METTL14: variants seen among roughly 807,000 people sequenced by gnomAD.
METTL14 encodes the protein N(6)-adenosine-methyltransferase non-catalytic subunit METTL14.
METTL14 carries 32 observed loss-of-function variants against 62.4 expected under a neutral mutation model. The observed-to-expected ratio is 0.51, with a 90% CI of 0.39 to 0.69. The LOEUF (loss-of-function observed/expected upper bound fraction) is 0.69, where lower values mean the gene tolerates loss of function less well. METTL14 is among the 30% of genes least tolerant of loss of function. METTL14 has a pLI of 0.00. For synonymous variants in METTL14, 150 were observed against 180.0 expected, an observed-to-expected ratio of 0.83 and a Z score of 1.34; for missense variants, 340 against 551.9, an observed-to-expected ratio of 0.62 and a Z score of 3.85.
intron 2 of METTL14, among the ~76,000 whole-genome samples, chr4:118,688,677 T>C (rs1375718717): frequency 2.0e-5 from 3 of 152,172 alleles, no homozygotes; most frequent in Non-Finnish European, 4.4e-5. Flanking sequence ...AACAAGTATA[T>C]TTAAACATTT....
At position 118,685,451 on chromosome 4, in the gene METTL14, T is replaced by C; in HGVS notation, c.-84T>C. On this transcript the variant is annotated 5_prime_UTR_variant, in exon 1 of 11. Coordinates refer to ENST00000388822, the MANE Select transcript of METTL14 (RefSeq NM_020961.4). ...GTTCGTAAGCTCCCGGTGAATTTTG[T>C]TCCACAGACTCGGAAGAAAGGTTGG... is the stretch of plus-strand genomic sequence containing the variant. 1 of 1,366,282 alleles carries C rather than the reference T, an allele frequency of 7.3e-7. No individual in the cohort carries two copies. Among genetic ancestry groups the C allele is most frequent in the Non-Finnish European group, 1.0e-6 (1 of 954,798 alleles). 84.6% of individuals were successfully genotyped at this position (1,366,282 alleles called of 1,614,324 possible).
chr4:118,686,838 C>T (rs1724080172), intron 1 of METTL14: 1 of 294,124 alleles, frequency 3.4e-6, no homozygotes, highest in Non-Finnish European at 6.8e-6. Context: ...AGGGGCTCTA[C>T]CTTTTAAAGT....
At chr4:118,698,541 G>A (rs1488897008) in intron 7 of METTL14, among the ~76,000 whole-genome samples, 1 of 151,802 alleles carries the variant, frequency 6.6e-6, no homozygotes, top group Non-Finnish European at 1.5e-5. Flanking sequence ...GAGATGAAGG[G>A]ACGCTGAATT....
intron 7 of METTL14, among the ~76,000 whole-genome samples, chr4:118,698,063 T>G (rs977649610): frequency 4.6e-5 from 7 of 152,150 alleles, no homozygotes; most frequent in Non-Finnish European, 8.8e-5. Flanking sequence ...GAGTTGGGAC[T>G]TTTATTCTGA....
chr4:118,687,410 G>T (rs1724101103), intron 1 of METTL14, among the ~76,000 whole-genome samples: 1 of 152,134 alleles, frequency 6.6e-6, no homozygotes, highest in Non-Finnish European at 1.5e-5. Flanking sequence ...TGCTTCACAG[G>T]AAATTGGCTA....
intron 1 of METTL14, chr4:118,686,534 A>G (rs951900976): frequency 2.2e-6 from 1 of 448,418 alleles, no homozygotes; most frequent in African/African-American, 2.0e-5. Flanking sequence ...TATCCTCTTT[A>G]TGGTCTGATG....
intron 8 of METTL14, among the ~76,000 whole-genome samples, chr4:118,701,024 C>A (rs557697282): frequency 6.6e-6 from 1 of 151,830 alleles, no homozygotes; most frequent in East Asian, 1.9e-4. Flanking sequence ...CTCCTGAAAT[C>A]CAAATGGAAG....
At chr4:118,698,870 C>T (rs1288444902) in intron 7 of METTL14, among the ~76,000 whole-genome samples, 1 of 152,138 alleles carries the variant, frequency 6.6e-6, no homozygotes, top group Non-Finnish European at 1.5e-5. Flanking sequence ...AGGATTATCA[C>T]ATAAAATCCA....
At chr4:118,690,255 G>A (rs529518643) in intron 3 of METTL14, among the ~76,000 whole-genome samples, 1 of 150,112 alleles carries the variant, frequency 6.7e-6, no homozygotes, top group East Asian at 2.0e-4. Flanking sequence ...GGCCAGGCTC[G>A]TCTCGAACTC....
At chr4:118,695,303 C>T (rs1724373987) in intron 6 of METTL14, among the ~76,000 whole-genome samples, 2 of 151,986 alleles carry the variant, frequency 1.3e-5, no homozygotes, top group Admixed American at 1.3e-4. Flanking sequence ...AATCCCAGCA[C>T]ATTGGGAGGC....
intron 6 of METTL14, 112 bp downstream of exon 6, chr4:118,694,638 C>T: frequency 1.3e-6 from 1 of 751,046 alleles, no homozygotes; most frequent in Non-Finnish European, 2.2e-6. Context: ...TGTTAACATG[C>T]TTTATTACTC....
chr4:118,694,122 AGTT>A lies in METTL14; in HGVS notation c.413-310_413-308del, dbSNP rs1356978010. ...GGGAAAAGAATCACACAAGAAAGGT[AGTT>A]GTTTTTTTTTTTTTTTCCTGAATGT... On this transcript the variant is annotated intron_variant, in intron 5 of 10. Transcript: ENST00000388822. Among the ~76,000 whole-genome samples the A allele has an allele frequency of 1.4e-4, 20 of 140,442 alleles. 1 individual carries two copies. In the East Asian group the frequency reaches 3.6e-3, roughly 25 times the overall value. 92.1% of individuals were successfully genotyped at this position (140,442 alleles called of 152,430 possible).
At chr4:118,699,540 A>G (rs1433502401) in intron 7 of METTL14, among the ~76,000 whole-genome samples, 1 of 152,180 alleles carries the variant, frequency 6.6e-6, no homozygotes, top group Non-Finnish European at 1.5e-5. Context: ...AAAGTTGAAT[A>G]TTAATATTAA....
In METTL14 at chr4:118,703,975, G is replaced by T; in HGVS notation, c.779G>T (p.Cys260Phe). ...GGTTACAGAAGATGTGAAGATATTT[G>T]TTGGATTAAAACCAATAAAAACAAT... ...KWGYRRCEDICWIKTNKNNPG... is the reference protein window; with the variant it reads ...KWGYRRCEDIFWIKTNKNNPG... Residue 260 changes from cysteine to phenylalanine, a missense_variant, in exon 9 of 11, where the codon TGT becomes TTT. Cys to Phe is a radical substitution (Grantham distance 205). This residue lies in a region of METTL14 where 58 missense variants were observed against 147.5 expected (regional missense o/e 0.39). Coordinates refer to ENST00000388822, the MANE Select transcript of METTL14 (RefSeq NM_020961.4). 6.3e-7 allele frequency: 1 copy of T among 1,586,432 alleles called. No individual in the cohort carries two copies. The highest frequency in any genetic ancestry group is 8.5e-7 in the Non-Finnish European group (1 of 1,172,276).
chr4:118,686,642 AG>A, intron 1 of METTL14: 2 of 456,278 alleles, frequency 4.4e-6, no homozygotes, highest in Non-Finnish European at 8.8e-6. Context: ...GGGCAAATCA[AG>A]TATCCTTTCT....
In METTL14 at chr4:118,685,462, C is replaced by T. The variant is rs1724014323; in HGVS notation, c.-73C>T. On this transcript the variant is annotated 5_prime_UTR_variant, in exon 1 of 11. Coordinates refer to ENST00000388822, the MANE Select transcript of METTL14 (RefSeq NM_020961.4). ...CCCGGTGAATTTTGTTCCACAGACT[C>T]GGAAGAAAGGTTGGATAAGAGTTCA... The T allele has an allele frequency of 6.9e-7, 1 of 1,441,720 alleles. No homozygotes were observed. The highest frequency in any genetic ancestry group is 9.8e-7 in the Non-Finnish European group (1 of 1,023,036). The allele number at this position is 1,441,720 out of a possible 1,614,324, so 89.3% of individuals were successfully genotyped here.
rs927265862 is a variant in METTL14, at chr4:118,714,177, T to G, written c.*3875T>G. ...CTTTTTAATGGGATAATTGTCTTCT[T>G]TAGGCACATTGTTTGCATATTAACG... On this transcript the variant is annotated 3_prime_UTR_variant, in exon 11 of 11. Transcript: ENST00000388822. 6.6e-6 allele frequency: 1 copy of G among 152,240 alleles called. No individual in the cohort carries two copies. The highest frequency in any genetic ancestry group is 1.5e-5 in the Non-Finnish European group (1 of 68,042). The allele number at this position is 152,240 out of a possible 1,614,324, so 9.4% of individuals were successfully genotyped here. A position where few individuals can be genotyped will look rare whatever the true frequency, so the allele number is the denominator to read the frequency against.
At chr4:118,686,647 CCTTT>C (rs1161004389) in intron 1 of METTL14, 1 of 456,088 alleles carries the variant, frequency 2.2e-6, no homozygotes, top group South Asian at 1.6e-5. Context: ...AATCAAGTAT[CCTTT>C]CTAAGTCTTC....
chr4:118,696,455 C>G (rs1724415791), intron 6 of METTL14, among the ~76,000 whole-genome samples: 1 of 151,868 alleles, frequency 6.6e-6, no homozygotes, highest in African/African-American at 2.4e-5. Flanking sequence ...TCACTTGAGC[C>G]CAGGAGTTTG....
Sources: allele counts gnomAD v4.1 joint callset (sites outside exome capture counted in the v4.1 genomes callset), GRCh38; gene constraint gnomAD v4.1.1; regional missense constraint gnomAD v4.1.1; transcripts MANE v1.5; gene names NCBI Gene and HGNC (gene_info 2026-07-23, HGNC 2026-07-21).